The following PI4K2A variants were observed in gnomAD, a reference collection of about 807,000 sequenced individuals.
PI4K2A encodes the protein phosphatidylinositol 4-kinase type 2 alpha.
A neutral mutation model predicts 55.0 loss-of-function variants in PI4K2A; 20 were observed. The observed-to-expected ratio is 0.36, with a 90% CI of 0.26 to 0.53. The LOEUF (loss-of-function observed/expected upper bound fraction) is 0.53. Ranked by LOEUF, PI4K2A falls within the 20% of genes least tolerant of loss-of-function variation. The pLI, the probability that PI4K2A is intolerant of heterozygous loss-of-function variation, is 0.91. For synonymous variants in PI4K2A, 235 were observed against 258.5 expected (o/e 0.91, Z 0.87); for missense variants, 463 against 637.1 (o/e 0.73, Z 2.94).
At chr10:97,644,310 C>T (rs1016345630) in intron 1 of PI4K2A, among the ~76,000 whole-genome samples, 2 of 152,132 alleles carry the variant, frequency 1.3e-5, no homozygotes, top group African/African-American at 2.4e-5. Context: ...GAGATCGTAC[C>T]ACTGCACTCC....
intron 5 of PI4K2A, among the ~76,000 whole-genome samples, chr10:97,663,780 A>G (rs1183019730): frequency 3.4e-5 from 5 of 148,746 alleles, no homozygotes; most frequent in Non-Finnish European, 5.9e-5. Flanking sequence ...AGATCACACC[A>G]TTGCATTCCA....
At chr10:97,651,250 C>G (rs1411230368) in intron 2 of PI4K2A, 109 bp downstream of exon 2, 1 of 752,346 alleles carries the variant, frequency 1.3e-6, no homozygotes, top group Non-Finnish European at 2.2e-6. Flanking sequence ...CATTTATACC[C>G]TAAGTCTGGG....
intron 4 of PI4K2A, among the ~76,000 whole-genome samples, chr10:97,660,175 G>T (rs1254175802): frequency 6.8e-6 from 1 of 147,876 alleles, no homozygotes; most frequent in Admixed American, 6.8e-5. Context: ...CTAATTTTTT[G>T]TATTTTTAGT....
rs760566686 is a variant in PI4K2A at position 97,641,072 on chromosome 10, C to T, written c.330C>T (p.Phe110=). Residue 110 remains phenylalanine (F), a synonymous_variant, in exon 1 of 9, where the codon TTC becomes TTT. Transcript: ENST00000370631. ...ACGAGTTCCCGGAGGATCCTGAGTT[C>T]GAGGCGGTGGTGCGGCAGGCCGAGC... is the stretch of plus-strand genomic sequence containing the variant. The T allele has an allele frequency of 1.6e-5, 25 of 1,607,978 alleles. No individual in the cohort carries two copies. In the South Asian group the frequency reaches 2.7e-4, roughly 18 times the overall value.
chr10:97,652,752 C>G (rs1447063617), intron 2 of PI4K2A, among the ~76,000 whole-genome samples: 1 of 152,174 alleles, frequency 6.6e-6, no homozygotes, highest in Non-Finnish European at 1.5e-5. Context: ...AAACAATTAG[C>G]CAACTAGTTT....
chr10:97,661,478 T>G (rs1439900898), intron 4 of PI4K2A, among the ~76,000 whole-genome samples: 1 of 152,080 alleles, frequency 6.6e-6, no homozygotes, highest in Non-Finnish European at 1.5e-5. Flanking sequence ...CTTGTTGAAA[T>G]TATGATATAA....
intron 5 of PI4K2A, among the ~76,000 whole-genome samples, chr10:97,664,679 C>T (rs2041601514): frequency 6.6e-6 from 1 of 152,246 alleles, no homozygotes; most frequent in Non-Finnish European, 1.5e-5. Context: ...GAACAGGACT[C>T]TTGAACTTTG....
At chr10:97,659,461 A>G (rs1589935607) in intron 4 of PI4K2A, among the ~76,000 whole-genome samples, 1 of 150,290 alleles carries the variant, frequency 6.7e-6, no homozygotes, top group East Asian at 1.9e-4. Context: ...ATGAACAGAC[A>G]TAATTTTCCC....
intron 6 of PI4K2A, among the ~76,000 whole-genome samples, chr10:97,665,606 T>C (rs1409566293): frequency 2.6e-5 from 4 of 151,374 alleles, no homozygotes; most frequent in African/African-American, 9.7e-5. Context: ...ATTTATTTTT[T>C]TTTTGAGACG....
intron 1 of PI4K2A, among the ~76,000 whole-genome samples, chr10:97,642,869 CTTTCTTTCTTTCTTT>C: frequency 7.5e-5 from 7 of 93,376 alleles, no homozygotes; most frequent in African/African-American, 1.9e-4. Context: ...CTTTCTTTTT[CTTTCTTTCTTTCTTT>C]CTTCCTTCCT....
intron 1 of PI4K2A, among the ~76,000 whole-genome samples, chr10:97,649,520 C>A (rs1174119853): frequency 6.7e-6 from 1 of 149,866 alleles, no homozygotes; most frequent in Non-Finnish European, 1.5e-5. Context: ...CTTTTTCCTG[C>A]TGTGATTTTT....
intron 1 of PI4K2A, among the ~76,000 whole-genome samples, chr10:97,641,466 GAC>G (rs886676687): frequency 2.6e-5 from 4 of 152,164 alleles, no homozygotes; most frequent in African/African-American, 9.7e-5. Context: ...GCTGGACAGA[GAC>G]TGCTTTCTAG....
exon 1 of PI4K2A, chr10:97,641,153 C>T (rs201158609): frequency 1.2e-6 from 2 of 1,606,426 alleles, no homozygotes; most frequent in East Asian, 2.2e-5. Flanking sequence ...CCAGCGGAAG[C>T]TACTTCGTCA....
At position 97,666,294 on chromosome 10, in the gene PI4K2A, G is replaced by A. The variant is rs1330005733; in HGVS notation, c.1085-144G>A. 9 of 692,568 alleles carry A rather than the reference G, an allele frequency of 1.3e-5. No individual in the cohort carries two copies. In the East Asian group the frequency reaches 2.1e-4, roughly 16 times the overall value. The allele number at this position is 692,568 out of a possible 1,614,324, so 42.9% of individuals were successfully genotyped here. On this transcript the variant is annotated intron_variant, in intron 6 of 8. Transcript: ENST00000370631. Reference sequence around the variant, plus strand: ...ACTGACTAGCTGTGTAACCTTTACAGTTAAGAGCACTTGTAAGTTTTTGTT... The same window carrying A: ...ACTGACTAGCTGTGTAACCTTTACAATTAAGAGCACTTGTAAGTTTTTGTT...
rs180749344 is a variant in PI4K2A at position 97,655,256 on chromosome 10, G to C, written c.637-1029G>C. ...GTGGTGGCACACACCTGTAATCCCA[G>C]CTACTTGGGAGGCTGAGGCATGAGA... On this transcript the variant is annotated intron_variant, in intron 2 of 8. Transcript: ENST00000370631. Among the ~76,000 whole-genome samples, 355 of 151,438 alleles carry C rather than the reference G, an allele frequency of 2.3e-3. 2 individuals are homozygous for C. Among genetic ancestry groups the C allele is most frequent in the African/African-American group, 8.3e-3 (343 of 41,252 alleles).
intron 1 of PI4K2A, among the ~76,000 whole-genome samples, chr10:97,645,758 G>A (rs1309636953): frequency 2.0e-5 from 3 of 151,112 alleles, no homozygotes; most frequent in Non-Finnish European, 4.4e-5. Flanking sequence ...TCACCCTGTC[G>A]CCCAGGCTGG....
At chr10:97,644,009 T>A (rs1015967434) in intron 1 of PI4K2A, among the ~76,000 whole-genome samples, 1 of 152,156 alleles carries the variant, frequency 6.6e-6, no homozygotes, top group African/African-American at 2.4e-5. Context: ...GCTGTGGAGT[T>A]CATGTTCTCA....
At chr10:97,667,234 GA>G in intron 8 of PI4K2A, 114 bp downstream of exon 8, 2 of 720,744 alleles carry the variant, frequency 2.8e-6, no homozygotes, top group Non-Finnish European at 4.8e-6. Flanking sequence ...TTTTGAGACC[GA>G]GTCTCACTCT....
chr10:97,659,055 G>T (rs1216028093), intron 4 of PI4K2A, among the ~76,000 whole-genome samples: 1 of 152,106 alleles, frequency 6.6e-6, no homozygotes, highest in Non-Finnish European at 1.5e-5. Context: ...TTTTTAAAGA[G>T]ACAGAGTTAT....
Sources: allele counts gnomAD v4.1 joint callset (sites outside exome capture counted in the v4.1 genomes callset), GRCh38; gene constraint gnomAD v4.1.1; transcripts MANE v1.5; gene names NCBI Gene and HGNC (gene_info 2026-07-23, HGNC 2026-07-21).